The following CPLANE2 variants were observed in gnomAD, a reference collection of about 807,000 sequenced individuals.
CPLANE2 encodes the protein ciliogenesis and planar polarity effector complex subunit 2.
CPLANE2 carries 24 observed loss-of-function variants against 20.9 expected under a neutral mutation model. The ratio of observed to expected loss-of-function variants is 1.15; its 90% CI spans 0.83 to 1.61. CPLANE2 has a LOEUF of 1.61. Ranked by LOEUF, CPLANE2 falls within the 40% of genes most tolerant of loss-of-function variation. The pLI is 0.00. For synonymous variants in CPLANE2, 132 were observed against 144.3 expected (o/e 0.92, Z 0.61); for missense variants, 330 against 355.1 (o/e 0.93, Z 0.57).
Position 16,237,022 on chromosome 1 carries a change from C to T in CPLANE2, c.-280G>A, listed in dbSNP as rs1443221527. On this transcript the variant is annotated 5_prime_UTR_variant, in exon 1 of 5. Coordinates refer to ENST00000375599, the MANE Select transcript of CPLANE2 (RefSeq NM_030907.4). ...CCGCTTCTCCTCTACCTTCTAGATC[C>T]CGACTCCCAGGGCTACCTAGCCCTC... 9.4e-6 allele frequency: 3 copies of T among 319,260 alleles called. No homozygotes were observed. Among genetic ancestry groups the T allele is most frequent in the Middle Eastern group, 8.8e-4 (1 of 1,138 alleles). The allele number at this position is 319,260 out of a possible 1,614,324, so 19.8% of individuals were successfully genotyped here.
chr1:16,233,006 T>C lies in CPLANE2; in HGVS notation c.277A>G (p.Thr93Ala), dbSNP rs773389435. 1.2e-6 allele frequency: 2 copies of C among 1,613,896 alleles called. No homozygotes were observed. Among genetic ancestry groups the C allele is most frequent in the South Asian group, 2.2e-5 (2 of 91,080 alleles). Residue 93 changes from threonine (T) to alanine (A), a missense_variant, in exon 3 of 5, where the codon ACC (threonine) becomes GCC (alanine). Physicochemically the swap from Thr to Ala is moderately conservative, Grantham distance 58. Transcript: ENST00000375599. ...AGCTTGGCTGGCCAAAATACCACGG[T>C]GGTCTGGATGCCTGAGGGGGAGCCA... ...VHHETTGIQT[T>A]VVFWPAKLQA... is the part of the protein sequence containing the mutation.
intron 1 of CPLANE2, among the ~76,000 whole-genome samples, 194 bp downstream of exon 1, chr1:16,236,437 T>G (rs549782194): frequency 3.9e-5 from 6 of 152,324 alleles, no homozygotes; most frequent in Admixed American, 3.9e-4. Context: ...ACGATGGAAT[T>G]AGCTCTAAGG....
chr1:16,236,858 C>G lies in CPLANE2; in HGVS notation c.-116G>C. On this transcript the variant is annotated 5_prime_UTR_variant, in exon 1 of 5. Transcript: ENST00000375599. ...CCCTCTTAACTGCCCTCTGACTCTC[C>G]CGGGGGGCCCCAGAAAGTGCAGTCC... 1 of 762,390 alleles carries G rather than the reference C, an allele frequency of 1.3e-6. No individual in the cohort carries two copies. The highest frequency in any genetic ancestry group is 2.2e-6 in the Non-Finnish European group (1 of 447,656). 47.2% of individuals were successfully genotyped at this position (762,390 alleles called of 1,614,324 possible).
rs368356582 is a variant in CPLANE2 at position 16,232,658 on chromosome 1, G to C, written c.391-12C>G. On this transcript the variant is annotated splice_polypyrimidine_tract_variant and intron_variant, in intron 3 of 4. Coordinates refer to ENST00000375599, the MANE Select transcript of CPLANE2 (RefSeq NM_030907.4). ...TTCTCCATGCAAGCCTGGTGATGGAGAGGCATATAACCATGTCACCCCCCA... is the reference window on the plus strand; with the variant it reads ...TTCTCCATGCAAGCCTGGTGATGGACAGGCATATAACCATGTCACCCCCCA... 7.7e-5 allele frequency: 124 copies of C among 1,613,746 alleles called. No homozygotes were observed. The highest frequency in any genetic ancestry group is 4.7e-5 in the Non-Finnish European group (55 of 1,179,936).
chr1:16,236,507 G>T, intron 1 of CPLANE2, 124 bp downstream of exon 1: 2 of 738,100 alleles, frequency 2.7e-6, no homozygotes, highest in Non-Finnish European at 2.4e-6. Context: ...GAAGACTGCT[G>T]AAGACTGCAG....
Position 16,232,969 on chromosome 1 carries a change from C to T in CPLANE2, c.314G>A (p.Ser105Asn). The T allele has an allele frequency of 1.2e-6, 2 of 1,614,204 alleles. No homozygotes were observed. Among genetic ancestry groups the T allele is most frequent in the Non-Finnish European group, 1.7e-6 (2 of 1,180,042 alleles). Residue 105 changes from serine (S) to asparagine (N), a missense_variant, in exon 3 of 5, where the codon AGC becomes AAC. Coordinates refer to ENST00000375599, the MANE Select transcript of CPLANE2 (RefSeq NM_030907.4). ...CTCAAAACGAAACATGACGACACGG[C>T]TGCTGGCCTGCAGCTTGGCTGGCCA... The part of the protein sequence containing the change: ...VFWPAKLQAS[S>N]RVVMFRFEFW...
At chr1:16,235,013 C>G (rs1294422275) in intron 1 of CPLANE2, among the ~76,000 whole-genome samples, 1 of 152,206 alleles carries the variant, frequency 6.6e-6, no homozygotes, top group South Asian at 2.1e-4. Context: ...CGTGAGCCAC[C>G]GTGCCCGGCC....
At chr1:16,234,503 G>A (rs2081449414) in intron 1 of CPLANE2, among the ~76,000 whole-genome samples, 1 of 152,132 alleles carries the variant, frequency 6.6e-6, no homozygotes, top group African/African-American at 2.4e-5. Flanking sequence ...ATCAGATCCT[G>A]GGCTGGACAG....
chr1:16,234,254 A>G (rs2081447010), intron 1 of CPLANE2, among the ~76,000 whole-genome samples: 1 of 151,926 alleles, frequency 6.6e-6, no homozygotes, highest in African/African-American at 2.4e-5. Flanking sequence ...AATACCAAAA[A>G]TCAGCTGGGT....
At position 16,237,051 on chromosome 1, in the gene CPLANE2, G is replaced by C. The variant is rs1427093631; in HGVS notation, c.-309C>G. The C allele has an allele frequency of 1.3e-5, 3 of 236,174 alleles. No homozygotes were observed. In the Admixed American group the frequency reaches 1.7e-4, roughly 13 times the overall value. The allele number at this position is 236,174 out of a possible 1,614,324, so 14.6% of individuals were successfully genotyped here. ...CTCCCAGGGCTACCTAGCCCTCCCC[G>C]TCAGCAGTCCCGGCGGCGAACCGAC... On this transcript the variant is annotated 5_prime_UTR_variant, in exon 1 of 5. Coordinates refer to ENST00000375599, the MANE Select transcript of CPLANE2 (RefSeq NM_030907.4).
intron 1 of CPLANE2, among the ~76,000 whole-genome samples, chr1:16,234,019 G>A (rs974546534): frequency 6.6e-6 from 1 of 152,192 alleles, no homozygotes; most frequent in African/African-American, 2.4e-5. Context: ...GACACAGCAT[G>A]AAGGCCCTTT....
chr1:16,233,817 G>C, intron 1 of CPLANE2, 53 bp from the exon 2 acceptor site: 1 of 1,600,074 alleles, frequency 6.2e-7, no homozygotes, highest in African/African-American at 1.3e-5. Flanking sequence ...GTTTGAAGGT[G>C]TCCCCCAGAG....
chr1:16,235,276 T>A (rs1361015614), intron 1 of CPLANE2, among the ~76,000 whole-genome samples: 1 of 152,226 alleles, frequency 6.6e-6, no homozygotes, highest in Non-Finnish European at 1.5e-5. Flanking sequence ...CTCTAAGTTA[T>A]GGCTGCTTAA....
Position 16,232,193 on chromosome 1 carries a change from C to A in CPLANE2, c.632G>T (p.Arg211Leu). 3 of 1,612,806 alleles carry A rather than the reference C, an allele frequency of 1.9e-6. No individual in the cohort carries two copies. Among genetic ancestry groups the A allele is most frequent in the Non-Finnish European group, 2.5e-6 (3 of 1,179,860 alleles). Reference protein sequence around the residue: ...LLRVKSVPGRRLADGRTLDGR... With the variant: ...LLRVKSVPGRLLADGRTLDGR... ...GTCCAGTGTGCGCCCATCAGCCAGC[C>A]GCCGCCCCGGCACACTCTTCACCCG... The change falls in exon 5 of 5, where the codon CGG becomes CTG. Residue 211 changes from arginine to leucine, a missense_variant. Arg to Leu is a moderately radical substitution (Grantham distance 102). Coordinates refer to ENST00000375599, the MANE Select transcript of CPLANE2 (RefSeq NM_030907.4).
In CPLANE2 at chr1:16,232,279, G is replaced by T. The variant is rs752787610; in HGVS notation, c.546C>A (p.His182Gln). The T allele has an allele frequency of 6.2e-6, 10 of 1,607,790 alleles. No individual in the cohort carries two copies. The Admixed American group carries it at 1.5e-4, about 24-fold the overall frequency. Residue 182 changes from histidine to glutamine, a missense_variant, in exon 5 of 5, where the codon CAC (histidine) becomes CAA (glutamine). Transcript: ENST00000375599. ...VIGSKFDQYM[H>Q]TDVPERDLTA... ...TGAGGTCCCGCTCGGGCACGTCCGT[G>T]TGCATGTACTGGTCAAATCTGGAGG...
rs142953444 is a variant in CPLANE2, at chr1:16,236,695, G to T, written c.48C>A (p.His16Gln). The part of the protein sequence containing the change: ...VPGSVVVPNW[H>Q]ESAEGKEYLA... ...GGTACTCCTTGCCCTCGGCACTCTC[G>T]TGCCAGTTTGGGACAACCACCGAAC... The change falls in exon 1 of 5, where the codon CAC becomes CAA. Residue 16 changes from histidine (H) to glutamine (Q), a missense_variant. By Grantham distance (24) the His-to-Gln change is conservative. Transcript: ENST00000375599. 3.8e-4 allele frequency: 594 copies of T among 1,562,268 alleles called. No individual in the cohort carries two copies. The highest frequency in any genetic ancestry group is 4.9e-4 in the Non-Finnish European group (559 of 1,151,772).
rs768674430 is a variant in CPLANE2, at chr1:16,233,780, A to C, written c.113-16T>G. 1.2e-6 allele frequency: 2 copies of C among 1,613,878 alleles called. No individual in the cohort carries two copies. Among genetic ancestry groups the C allele is most frequent in the South Asian group, 2.2e-5 (2 of 91,090 alleles). The stretch of plus-strand genomic sequence containing the variant: ...TCAAGCAGCCCTAGGGCAAAGAGAG[A>C]GCCAGGCAGGGTCAAGGGGTGCTGT... On this transcript the variant is annotated splice_polypyrimidine_tract_variant and intron_variant, in intron 1 of 4. Transcript: ENST00000375599.
Position 16,231,889 on chromosome 1 carries a change from G to A in CPLANE2, c.*159C>T. 1 of 1,062,826 alleles carries A rather than the reference G, an allele frequency of 9.4e-7. No homozygotes were observed. Among genetic ancestry groups the A allele is most frequent in the Non-Finnish European group, 1.3e-6 (1 of 747,302 alleles). The allele number at this position is 1,062,826 out of a possible 1,614,324, so 65.8% of individuals were successfully genotyped here. A position where few individuals can be genotyped will look rare whatever the true frequency, so the allele number is the denominator to read the frequency against. On this transcript the variant is annotated 3_prime_UTR_variant, in exon 5 of 5. Coordinates refer to ENST00000375599, the MANE Select transcript of CPLANE2 (RefSeq NM_030907.4). ...CACCTCCCTGCCATGAATTCTGCAA[G>A]GAAAGCGCTGCTCGCGGGTGGGCCT...
rs368600643 is a variant in CPLANE2, at chr1:16,232,303, G to C, written c.528-6C>G. On this transcript the variant is annotated splice_polypyrimidine_tract_variant and splice_region_variant and intron_variant, in intron 4 of 4. Coordinates refer to ENST00000375599, the MANE Select transcript of CPLANE2 (RefSeq NM_030907.4). ...TGTGCATGTACTGGTCAAATCTGGA[G>C]GAGGGTCAAGGAGCCTAACTGGGTG... is the stretch of plus-strand genomic sequence containing the variant. 9.4e-6 allele frequency: 15 copies of C among 1,598,746 alleles called. No individual in the cohort carries two copies. The African/African-American group carries it at 1.9e-4, about 20-fold the overall frequency.
Sources: allele counts gnomAD v4.1 joint callset (sites outside exome capture counted in the v4.1 genomes callset), GRCh38; gene constraint gnomAD v4.1.1; transcripts MANE v1.5; gene names NCBI Gene and HGNC (gene_info 2026-07-23, HGNC 2026-07-21).